Variants in HCN1 observed in about 807,000 individuals in gnomAD.
HCN1 encodes the protein hyperpolarization activated cyclic nucleotide gated potassium channel 1, also known as potassium/sodium hyperpolarization-activated cyclic nucleotide-gated channel 1.
A neutral mutation model predicts 78.9 loss-of-function variants in HCN1; 13 were observed. The observed-to-expected ratio is 0.16, with a 90% confidence interval of 0.11 to 0.26. The LOEUF (loss-of-function observed/expected upper bound fraction) is 0.26. Ranked by LOEUF, HCN1 falls within the 10% of genes least tolerant of loss-of-function variation. The probability of loss-of-function intolerance (pLI) is 1.00; values close to 1 mark genes in which losing one functional copy is unlikely to be tolerated. For synonymous variants in HCN1, 552 were observed against 455.5 expected, an observed-to-expected ratio of 1.21 and a Z score of -2.70; for missense variants, 810 against 1,154.3, an observed-to-expected ratio of 0.70 and a Z score of 4.32.
intron 2 of HCN1, among the ~76,000 whole-genome samples, chr5:45,464,643 T>C (rs1741231670): frequency 6.6e-6 from 1 of 152,088 alleles, no homozygotes; most frequent in African/African-American, 2.4e-5. Context: ...TTTATCTAAC[T>C]GATAAAAGAG....
chr5:45,511,239 TATAA>T (rs1480276332), intron 2 of HCN1, among the ~76,000 whole-genome samples: 6 of 152,028 alleles, frequency 3.9e-5, no homozygotes, highest in African/African-American at 1.4e-4. Context: ...TCCATTATAA[TATAA>T]ATAAATGATT....
intron 3 of HCN1, among the ~76,000 whole-genome samples, chr5:45,449,883 G>T (rs1051200404): frequency 6.6e-6 from 1 of 152,072 alleles, no homozygotes; most frequent in African/African-American, 2.4e-5. Flanking sequence ...TGTCCCCCAG[G>T]CTGGAGTGCG....
At chr5:45,338,573 G>A (rs1317713791) in intron 5 of HCN1, among the ~76,000 whole-genome samples, 1 of 151,966 alleles carries the variant, frequency 6.6e-6, no homozygotes, top group African/African-American at 2.4e-5. Context: ...GCATTTATTT[G>A]TCATTCAATG....
chr5:45,441,820 T>C (rs1403539056), intron 3 of HCN1, among the ~76,000 whole-genome samples: 1 of 152,172 alleles, frequency 6.6e-6, no homozygotes, highest in African/African-American at 2.4e-5. Flanking sequence ...TCAATATATG[T>C]TTCTCAACAA....
At chr5:45,645,874 AC>A (rs1440439658) in intron 1 of HCN1, among the ~76,000 whole-genome samples, 1 of 152,062 alleles carries the variant, frequency 6.6e-6, no homozygotes, top group African/African-American at 2.4e-5. Context: ...AAACATTCAT[AC>A]CCCCATTTAT....
intron 1 of HCN1, among the ~76,000 whole-genome samples, chr5:45,671,057 A>G (rs1746141242): frequency 6.6e-6 from 1 of 151,772 alleles, no homozygotes; most frequent in African/African-American, 2.4e-5. Flanking sequence ...GCAAAACACT[A>G]AATGCATTAT....
At chr5:45,627,621 T>A (rs1338208879) in intron 2 of HCN1, among the ~76,000 whole-genome samples, 1 of 152,158 alleles carries the variant, frequency 6.6e-6, no homozygotes, top group Non-Finnish European at 1.5e-5. Flanking sequence ...ATAATACCTA[T>A]CATGTCTACT....
chr5:45,587,049 A>ACAGGTG (rs1744244565), intron 2 of HCN1, among the ~76,000 whole-genome samples: 2 of 152,184 alleles, frequency 1.3e-5, no homozygotes, highest in Admixed American at 6.5e-5. Context: ...TCAGGAAACA[A>ACAGGTG]CAGGTGCTGG....
At chr5:45,333,270 G>A (rs1327277754) in intron 5 of HCN1, among the ~76,000 whole-genome samples, 1 of 151,622 alleles carries the variant, frequency 6.6e-6, no homozygotes, top group Non-Finnish European at 1.5e-5. Context: ...ATGCCCGTTT[G>A]CCATTTGTAT....
At chr5:45,693,524 T>C (rs1012332806) in intron 1 of HCN1, among the ~76,000 whole-genome samples, 1 of 152,162 alleles carries the variant, frequency 6.6e-6, no homozygotes, top group African/African-American at 2.4e-5. Flanking sequence ...TTTTTAATCA[T>C]TTCCCATTTC....
chr5:45,288,341 T>C (rs776192052), intron 6 of HCN1, among the ~76,000 whole-genome samples: 2 of 152,056 alleles, frequency 1.3e-5, no homozygotes, highest in African/African-American at 2.4e-5. Flanking sequence ...AGCCCTTCTT[T>C]AAAAATACTG....
At chr5:45,468,556 A>G (rs1274011496) in intron 2 of HCN1, among the ~76,000 whole-genome samples, 1 of 152,050 alleles carries the variant, frequency 6.6e-6, no homozygotes, top group Non-Finnish European at 1.5e-5. Context: ...ATTTGCTGCT[A>G]TGTGATATAC....
chr5:45,372,045 A>T (rs181714846), intron 4 of HCN1, among the ~76,000 whole-genome samples: 3 of 56,290 alleles, frequency 5.3e-5, no homozygotes, highest in Admixed American at 6.5e-4. Flanking sequence ...TATATATATT[A>T]TATATATAAT....
rs1018142198 is a variant in HCN1 at position 45,362,850 on chromosome 5, A to G, written c.1231-9604T>C. Among the ~76,000 whole-genome samples the G allele has an allele frequency of 4.5e-4, 69 of 151,996 alleles. 1 individual carries two copies. Among genetic ancestry groups the G allele is most frequent in the Non-Finnish European group, 5.9e-5 (4 of 67,986 alleles). On this transcript the variant is annotated intron_variant, in intron 4 of 7. Coordinates refer to ENST00000303230, the MANE Select transcript of HCN1 (RefSeq NM_021072.4). ...ATCAAAAAATGACTCTCTATTGATC[A>G]CAAGTAGCCCTCTACTTACCATCCT...
intron 2 of HCN1, among the ~76,000 whole-genome samples, chr5:45,500,701 C>G (rs1298592257): frequency 6.6e-6 from 1 of 152,126 alleles, no homozygotes; most frequent in African/African-American, 2.4e-5. Context: ...ATATAGGTCA[C>G]AAGGTTTGCA....
chr5:45,494,271 T>C (rs1007777812), intron 2 of HCN1, among the ~76,000 whole-genome samples: 2 of 152,076 alleles, frequency 1.3e-5, no homozygotes, highest in Admixed American at 1.3e-4. Context: ...TGTTGTTTCC[T>C]GACTTTTGAA....
intron 2 of HCN1, among the ~76,000 whole-genome samples, chr5:45,531,945 C>T (rs1742860513): frequency 6.6e-6 from 1 of 152,046 alleles, no homozygotes; most frequent in Non-Finnish European, 1.5e-5. Flanking sequence ...GAGGCTGAGG[C>T]AGGAGAATTG....
chr5:45,298,677 TA>T (rs751111729), intron 6 of HCN1, among the ~76,000 whole-genome samples: 1 of 151,966 alleles, frequency 6.6e-6, no homozygotes, highest in Non-Finnish European at 1.5e-5. Context: ...AGAGAATAGG[TA>T]AATTTCCTGT....
intron 3 of HCN1, among the ~76,000 whole-genome samples, chr5:45,402,617 T>A (rs1739838126): frequency 6.6e-6 from 1 of 151,900 alleles, no homozygotes; most frequent in African/African-American, 2.4e-5. Context: ...AGAAGTGAAA[T>A]GAGAACTTAA....
Sources: allele counts gnomAD v4.1 joint callset (sites outside exome capture counted in the v4.1 genomes callset), GRCh38; gene constraint gnomAD v4.1.1; transcripts MANE v1.5; gene names NCBI Gene and HGNC (gene_info 2026-07-23, HGNC 2026-07-21).